The following DOK6 variants were observed in gnomAD, a reference collection of about 807,000 sequenced individuals.
DOK6 encodes the protein docking protein 6, also known as downstream of tyrosine kinase 6.
Under a neutral mutation model 44.0 loss-of-function variants are expected in DOK6, and 22 were observed. The ratio of observed to expected loss-of-function variants is 0.50; its 90% CI spans 0.36 to 0.71. The LOEUF (loss-of-function observed/expected upper bound fraction) is 0.71, where lower values mean the gene tolerates loss of function less well. Among genes scored for constraint, DOK6 ranks in the 30% least tolerant of loss-of-function variants. The probability of loss-of-function intolerance (pLI) is 0.00; values close to 1 mark genes in which losing one functional copy is unlikely to be tolerated. For missense variants in DOK6, 340 were observed against 416.4 expected, an observed-to-expected ratio of 0.82 and a Z score of 1.60; for synonymous variants, 166 against 145.5, an observed-to-expected ratio of 1.14 and a Z score of -1.01.
chr18:69,729,260 T>C (rs571404413), intron 5 of DOK6, among the ~76,000 whole-genome samples: 1 of 152,340 alleles, frequency 6.6e-6, no homozygotes, highest in South Asian at 2.1e-4. Flanking sequence ...AAAGATTCTG[T>C]ATTCTGTGAG....
chr18:69,488,586 G>A (rs147262140), intron 1 of DOK6, among the ~76,000 whole-genome samples: 1 of 152,294 alleles, frequency 6.6e-6, no homozygotes, highest in African/African-American at 2.4e-5. Context: ...ATCATGGGGG[G>A]AGGTGAAGGA....
At chr18:69,507,232 T>A (rs894915862) in intron 1 of DOK6, among the ~76,000 whole-genome samples, 1 of 152,118 alleles carries the variant, frequency 6.6e-6, no homozygotes, top group Non-Finnish European at 1.5e-5. Flanking sequence ...TTTCACCGTG[T>A]TAGCCAGAAT....
At chr18:69,812,840 A>G (rs1981282615) in intron 7 of DOK6, among the ~76,000 whole-genome samples, 1 of 152,020 alleles carries the variant, frequency 6.6e-6, no homozygotes, top group African/African-American at 2.4e-5. Flanking sequence ...AAGTGGGAGG[A>G]GACCCTGACA....
chr18:69,418,357 TATA>T (rs1397373156), intron 1 of DOK6, among the ~76,000 whole-genome samples: 1 of 152,182 alleles, frequency 6.6e-6, no homozygotes, highest in Non-Finnish European at 1.5e-5. Context: ...GATCTTTTAT[TATA>T]ATATCTGATA....
chr18:69,440,777 CAT>C (rs1177768552), intron 1 of DOK6, among the ~76,000 whole-genome samples: 1 of 144,084 alleles, frequency 6.9e-6, no homozygotes, highest in African/African-American at 2.6e-5. Context: ...CACACACACA[CAT>C]TTCTTTGACT....
At chr18:69,688,584 G>T (rs1350575174) in intron 4 of DOK6, among the ~76,000 whole-genome samples, 2 of 152,178 alleles carry the variant, frequency 1.3e-5, no homozygotes, top group African/African-American at 4.8e-5. Context: ...GTGCAGTGGT[G>T]CAATCTCGGC....
chr18:69,739,391 T>C (rs113441364), intron 6 of DOK6, among the ~76,000 whole-genome samples: 11 of 152,374 alleles, frequency 7.2e-5, no homozygotes, highest in African/African-American at 2.4e-4. Flanking sequence ...AGCAATGCTG[T>C]CTGCATGTCC....
At chr18:69,705,134 C>G (rs1309602359) in intron 5 of DOK6, 3 of 152,192 alleles carry the variant, frequency 2.0e-5, no homozygotes, top group Non-Finnish European at 4.4e-5. Flanking sequence ...TGTCCATATT[C>G]GAACTGGACG....
At chr18:69,487,177 A>ATGTGTGTGTGTG (rs5825940) in intron 1 of DOK6, among the ~76,000 whole-genome samples, 1 of 140,370 alleles carries the variant, frequency 7.1e-6, no homozygotes, top group African/African-American at 2.8e-5. Context: ...CTGATAGGAT[A>ATGTGTGTGTGTG]TGTGTGTGTG....
chr18:69,414,716 A>C (rs1978321191), intron 1 of DOK6, among the ~76,000 whole-genome samples: 1 of 152,156 alleles, frequency 6.6e-6, no homozygotes, highest in Non-Finnish European at 1.5e-5. Flanking sequence ...TTTTACAAGA[A>C]GTTACTATGG....
rs567711398 is a variant in DOK6 at position 69,436,299 on chromosome 18, C to T, written c.66+34989C>T. 9.1e-4 allele frequency among the ~76,000 whole-genome samples: 138 copies of T among 152,074 alleles called. No homozygotes were observed. The South Asian group carries it at 0.014, about 16-fold the overall frequency. On this transcript the variant is annotated intron_variant, in intron 1 of 7. Coordinates refer to ENST00000382713, the MANE Select transcript of DOK6 (RefSeq NM_152721.6). Reference sequence around the variant, plus strand: ...CCATCATCTACATTAGGTATTTCTCCTAATGCTGTCTCTCCCCTTGCCCCC... The same window carrying T: ...CCATCATCTACATTAGGTATTTCTCTTAATGCTGTCTCTCCCCTTGCCCCC...
Position 69,738,998 on chromosome 18 carries a change from T to TCCTGTGTCACA in DOK6, c.634_635insCTGTGTCACAC (p.Gln212ProfsTer11). ...ACACAGGAGAAGGACTATTCACTTT[T>TCCTGTGTCACA]CAAACAAGGGAAGGAGAAATGATCT... On this transcript the variant is annotated frameshift_variant, in exon 6 of 8. Coordinates refer to ENST00000382713, the MANE Select transcript of DOK6 (RefSeq NM_152721.6). LOFTEE classifies it high-confidence loss of function. The TCCTGTGTCACA allele has an allele frequency of 6.2e-7, 1 of 1,614,088 alleles. No homozygotes were observed. The highest frequency in any genetic ancestry group is 8.5e-7 in the Non-Finnish European group (1 of 1,179,926).
At chr18:69,785,240 A>G (rs2145092947) in intron 7 of DOK6, among the ~76,000 whole-genome samples, 1 of 152,346 alleles carries the variant, frequency 6.6e-6, no homozygotes, top group East Asian at 1.9e-4. Flanking sequence ...GATTATTTGG[A>G]TGATGTCTTA....
chr18:69,765,888 A>C (rs1979698174), intron 7 of DOK6, among the ~76,000 whole-genome samples: 1 of 152,186 alleles, frequency 6.6e-6, no homozygotes. Flanking sequence ...GTCAATATTC[A>C]ATAATTATTA....
At chr18:69,703,259 C>T (rs1986561528) in intron 5 of DOK6, among the ~76,000 whole-genome samples, 1 of 152,182 alleles carries the variant, frequency 6.6e-6, no homozygotes. Flanking sequence ...CTACTCTATA[C>T]TTTGTAATTA....
At chr18:69,485,666 C>A (rs1160389157) in intron 1 of DOK6, among the ~76,000 whole-genome samples, 1 of 152,024 alleles carries the variant, frequency 6.6e-6, no homozygotes, top group Non-Finnish European at 1.5e-5. Context: ...GTGTTTATGT[C>A]TAAGGGATTC....
chr18:69,531,210 A>G (rs1207810225), intron 1 of DOK6, among the ~76,000 whole-genome samples: 1 of 147,772 alleles, frequency 6.8e-6, no homozygotes, highest in Non-Finnish European at 1.5e-5. Flanking sequence ...CTCTTTATCC[A>G]ATTTACCAGT....
intron 5 of DOK6, among the ~76,000 whole-genome samples, chr18:69,728,622 A>C (rs1978324003): frequency 6.6e-6 from 1 of 151,198 alleles, no homozygotes; most frequent in Admixed American, 6.6e-5. Flanking sequence ...TCCTTAGTAT[A>C]CTGAAAAAAA....
intron 7 of DOK6, among the ~76,000 whole-genome samples, chr18:69,813,983 C>T (rs1288907992): frequency 6.6e-6 from 1 of 151,870 alleles, no homozygotes; most frequent in East Asian, 1.9e-4. Context: ...CATGTTACTA[C>T]CTCGATTAAG....
Sources: allele counts gnomAD v4.1 joint callset (sites outside exome capture counted in the v4.1 genomes callset), GRCh38; gene constraint gnomAD v4.1.1; transcripts MANE v1.5; gene names NCBI Gene and HGNC (gene_info 2026-07-23, HGNC 2026-07-21).